The following RHOA variants were observed in gnomAD, a reference collection of about 807,000 sequenced individuals.
RHOA encodes ras homolog family member A.
In RHOA, 3 loss-of-function variants were observed where a neutral mutation model predicts 17.5. The ratio of observed to expected loss-of-function variants is 0.17; its 90% CI spans 0.08 to 0.44. The LOEUF (loss-of-function observed/expected upper bound fraction) is 0.44, where lower values mean the gene tolerates loss of function less well. Among genes scored for constraint, RHOA ranks in the 20% least tolerant of loss-of-function variants. The pLI, the probability that RHOA is intolerant of heterozygous loss-of-function variation, is 0.99. For missense variants in RHOA, 56 were observed against 242.3 expected (o/e 0.23, Z 5.10); for synonymous variants, 98 against 88.4 (o/e 1.11, Z -0.61).
At chr3:49,387,311 G>A (rs1405666591) in intron 1 of RHOA, among the ~76,000 whole-genome samples, 1 of 150,938 alleles carries the variant, frequency 6.6e-6, no homozygotes, top group Non-Finnish European at 1.5e-5. Flanking sequence ...AGGCATGGTG[G>A]CACGCACCTG....
chr3:49,382,923 T>C (rs964564898), intron 1 of RHOA, among the ~76,000 whole-genome samples: 1 of 151,196 alleles, frequency 6.6e-6, no homozygotes, highest in African/African-American at 2.4e-5. Context: ...GGCGTGGTGG[T>C]GGGCACCTGT....
At chr3:49,361,502 C>A (rs1437670319) in intron 4 of RHOA, among the ~76,000 whole-genome samples, 1 of 152,212 alleles carries the variant, frequency 6.6e-6, no homozygotes, top group Non-Finnish European at 1.5e-5. Context: ...GGACTCCCAG[C>A]CTTCAAGATT....
intron 1 of RHOA, among the ~76,000 whole-genome samples, chr3:49,392,027 C>T (rs2048520076): frequency 6.6e-6 from 1 of 151,708 alleles, no homozygotes; most frequent in Non-Finnish European, 1.5e-5. Context: ...AGGGTTTTGC[C>T]TTATTGGCCA....
chr3:49,408,134 G>A (rs933274093), intron 1 of RHOA, among the ~76,000 whole-genome samples: 5 of 149,890 alleles, frequency 3.3e-5, no homozygotes, highest in Non-Finnish European at 5.9e-5. Context: ...ACTCTGGCCC[G>A]GACGACAGAG....
chr3:49,375,715 T>C (rs2107850827), intron 1 of RHOA, 124 bp from the exon 2 acceptor site: 2 of 947,114 alleles, frequency 2.1e-6, no homozygotes, highest in South Asian at 3.5e-5. Context: ...TTCAAACTTC[T>C]AGTACGCCGA....
At chr3:49,393,729 T>TGTGTGTGAGAGA (rs1553635013) in intron 1 of RHOA, among the ~76,000 whole-genome samples, 2 of 136,838 alleles carry the variant, frequency 1.5e-5, no homozygotes, top group African/African-American at 5.7e-5. Context: ...TGTGTGTGTG[T>TGTGTGTGAGAGA]GACAGAATCT....
intron 2 of RHOA, 95 bp downstream of exon 2, chr3:49,375,339 G>C: frequency 8.7e-7 from 1 of 1,153,358 alleles, no homozygotes; most frequent in Non-Finnish European, 1.2e-6. Flanking sequence ...TTGTTATATG[G>C]TATACTGAAG....
At chr3:49,380,989 T>C (rs1052989822) in intron 1 of RHOA, among the ~76,000 whole-genome samples, 7 of 151,536 alleles carry the variant, frequency 4.6e-5, no homozygotes. Context: ...ATCTACAAAA[T>C]CTAGTAACTT....
intron 2 of RHOA, among the ~76,000 whole-genome samples, chr3:49,374,135 G>T (rs184896915): frequency 6.6e-6 from 1 of 152,000 alleles, no homozygotes; most frequent in Non-Finnish European, 1.5e-5. Flanking sequence ...CAGATCACAA[G>T]ATCAGGAGAT....
intron 1 of RHOA, among the ~76,000 whole-genome samples, chr3:49,389,824 C>T (rs2048465723): frequency 6.6e-6 from 1 of 150,744 alleles, no homozygotes; most frequent in Admixed American, 6.7e-5. Flanking sequence ...GTAGTCCCAG[C>T]TACTTGGGAG....
At chr3:49,407,008 TCA>T (rs955247369) in intron 1 of RHOA, among the ~76,000 whole-genome samples, 3 of 150,320 alleles carry the variant, frequency 2.0e-5, no homozygotes, top group African/African-American at 4.9e-5. Context: ...TCGGGCATGG[TCA>T]CACACACACA....
chr3:49,376,297 A>G (rs907508064), intron 1 of RHOA, among the ~76,000 whole-genome samples: 9 of 152,142 alleles, frequency 5.9e-5, no homozygotes, highest in African/African-American at 2.2e-4. Flanking sequence ...TCCTAAAGAA[A>G]ACTTTTAGAA....
chr3:49,397,990 G>A (rs2048646673), intron 1 of RHOA, among the ~76,000 whole-genome samples: 1 of 152,172 alleles, frequency 6.6e-6, no homozygotes, highest in Non-Finnish European at 1.5e-5. Flanking sequence ...GAGGTCAAGG[G>A]TCCATGAGTT....
At chr3:49,370,740 A>ATCGG (rs1559499091) in intron 2 of RHOA, among the ~76,000 whole-genome samples, 1 of 152,134 alleles carries the variant, frequency 6.6e-6, no homozygotes, top group East Asian at 1.9e-4. Flanking sequence ...CACTGCACCC[A>ATCGG]GCTCTGCTAC....
In RHOA at chr3:49,365,410, T is replaced by G. The variant is rs530628286; in HGVS notation, c.278-2784A>C. Among the ~76,000 whole-genome samples the G allele has an allele frequency of 4.0e-5, 6 of 151,844 alleles. No homozygotes were observed. The South Asian group carries it at 1.2e-3, about 32-fold the overall frequency. On this transcript the variant is annotated intron_variant, in intron 3 of 4. Transcript: ENST00000418115. Reference sequence around the variant, plus strand: ...CACCCACCTTGGCCTCCCAAAGTGGTGGGATTACAGGTGTGAGCCACAGTG... The same window carrying G: ...CACCCACCTTGGCCTCCCAAAGTGGGGGGATTACAGGTGTGAGCCACAGTG...
intron 2 of RHOA, 42 bp from the exon 3 acceptor site, chr3:49,368,590 C>T (rs375027953): frequency 9.9e-6 from 16 of 1,611,984 alleles, no homozygotes; most frequent in Non-Finnish European, 1.3e-5. Context: ...AGGTTAATCC[C>T]CCCACCCACT....
chr3:49,362,653 G>C (rs760743234), intron 3 of RHOA, 27 bp from the exon 4 acceptor site: 1 of 1,596,018 alleles, frequency 6.3e-7, no homozygotes, highest in Non-Finnish European at 8.6e-7. Flanking sequence ...GAGAATTTGG[G>C]GATACATACA....
At chr3:49,403,921 T>TA (rs1174822538) in intron 1 of RHOA, among the ~76,000 whole-genome samples, 3 of 151,860 alleles carry the variant, frequency 2.0e-5, no homozygotes, top group African/African-American at 7.3e-5. Context: ...AGCCCTGTTT[T>TA]ATTCCAAGAA....
intron 2 of RHOA, among the ~76,000 whole-genome samples, chr3:49,374,647 G>A (rs1203722352): frequency 2.6e-5 from 4 of 151,992 alleles, no homozygotes; most frequent in African/African-American, 9.7e-5. Flanking sequence ...GCTTGAACCC[G>A]GGAGGTGGAG....
Sources: allele counts gnomAD v4.1 joint callset (sites outside exome capture counted in the v4.1 genomes callset), GRCh38; gene constraint gnomAD v4.1.1; transcripts MANE v1.5; gene names NCBI Gene and HGNC (gene_info 2026-07-23, HGNC 2026-07-21).